Variants in COMMD1 observed in about 807,000 individuals in gnomAD.
COMMD1 encodes the protein copper metabolism domain containing 1.
A neutral mutation model predicts 17.2 loss-of-function variants in COMMD1; 10 were observed. The ratio of observed to expected loss-of-function variants is 0.58; its 90% confidence interval spans 0.36 to 0.99. The LOEUF (loss-of-function observed/expected upper bound fraction) is 0.99. Ranked by LOEUF, COMMD1 falls within the 50% of genes least tolerant of loss-of-function variation. The pLI is 0.01. For missense variants in COMMD1, 270 were observed against 231.8 expected, an observed-to-expected ratio of 1.17 and a Z score of -1.07; for synonymous variants, 97 against 91.6, an observed-to-expected ratio of 1.06 and a Z score of -0.34.
chr2:61,920,404 A>G (rs1558521815), intron 1 of COMMD1, among the ~76,000 whole-genome samples: 1 of 152,130 alleles, frequency 6.6e-6, no homozygotes, highest in Non-Finnish European at 1.5e-5. Flanking sequence ...AGGGAAAGAA[A>G]GAACATACTT....
At chr2:61,991,059 C>G (rs556729351) in intron 1 of COMMD1, among the ~76,000 whole-genome samples, 2 of 151,618 alleles carry the variant, frequency 1.3e-5, no homozygotes, top group African/African-American at 4.8e-5. Context: ...CCACTGCACT[C>G]CAGCTGGGTG....
At chr2:61,944,429 T>A (rs761297064) in intron 1 of COMMD1, among the ~76,000 whole-genome samples, 7 of 151,696 alleles carry the variant, frequency 4.6e-5, no homozygotes, top group Non-Finnish European at 8.8e-5. Context: ...CCAGCCTGGG[T>A]AACATAGCAA....
chr2:62,125,922 C>A (rs1421726688), intron 2 of COMMD1, among the ~76,000 whole-genome samples: 1 of 152,104 alleles, frequency 6.6e-6, no homozygotes, highest in African/African-American at 2.4e-5. Context: ...TCTCCTTCCC[C>A]CCACTTCACC....
chr2:61,891,422 T>A (rs2105152382), intron 1 of COMMD1, among the ~76,000 whole-genome samples: 1 of 152,328 alleles, frequency 6.6e-6, no homozygotes, highest in Non-Finnish European at 1.5e-5. Flanking sequence ...TCCATTAAAA[T>A]GGGATTTCAA....
In COMMD1 at chr2:62,000,794, G is replaced by A; in HGVS notation, c.274G>A (p.Ala92Thr). ...AGGTGGGATCACATCTGACCAAGCT[G>A]CTGTCATTTCCAAATTCTGGAAGAG... The part of the protein sequence containing the change: ...KQGGITSDQA[A>T]VISKFWKSHK... The change falls in exon 2 of 3, where the codon GCT becomes ACT. Residue 92 changes from alanine to threonine, a missense_variant. Physicochemically the swap from Ala to Thr is moderately conservative, Grantham distance 58 (BLOSUM62 0). Coordinates refer to ENST00000311832, the MANE Select transcript of COMMD1 (RefSeq NM_152516.4). 1 of 1,614,126 alleles carries A rather than the reference G, an allele frequency of 6.2e-7. No individual in the cohort carries two copies. Among genetic ancestry groups the A allele is most frequent in the African/African-American group, 1.3e-5 (1 of 75,036 alleles).
chr2:61,969,083 T>G (rs1407783084), intron 1 of COMMD1: 1 of 432,010 alleles, frequency 2.3e-6, no homozygotes, highest in Non-Finnish European at 4.7e-6. Context: ...CTCAGCCTCC[T>G]GAGCAGCTGG....
chr2:61,983,514 A>G lies in COMMD1; in HGVS notation c.181-17187A>G, dbSNP rs1210761195. Among the ~76,000 whole-genome samples, 3 of 152,016 alleles carry G rather than the reference A, an allele frequency of 2.0e-5. 1 individual carries two copies. Among genetic ancestry groups the G allele is most frequent in the Non-Finnish European group, 4.4e-5 (3 of 67,990 alleles). On this transcript the variant is annotated intron_variant, in intron 1 of 2. Transcript: ENST00000311832. ...CTATAATGGCTTTTAATGCATGTTC[A>G]TCTTGTTACTTGTTATTGGTCTGTT... is the stretch of plus-strand genomic sequence containing the variant.
chr2:62,077,286 T>C (rs186848367), intron 2 of COMMD1, among the ~76,000 whole-genome samples: 49 of 152,336 alleles, frequency 3.2e-4, no homozygotes, highest in African/African-American at 7.0e-4. Context: ...AATTACACAT[T>C]TATTTTGTTA....
At chr2:61,947,813 AG>A (rs1342769622) in intron 1 of COMMD1, among the ~76,000 whole-genome samples, 1 of 148,314 alleles carries the variant, frequency 6.7e-6, no homozygotes, top group Non-Finnish European at 1.5e-5. Context: ...CAGCCTCCTG[AG>A]GTAGCTGGGC....
rs55789110 is a variant in COMMD1 at position 62,121,371 on chromosome 2, C to CAAAAAAAAAAAAA, written c.463-14446_463-14434dup. 3.3e-3 allele frequency among the ~76,000 whole-genome samples: 154 copies of CAAAAAAAAAAAAA among 47,198 alleles called. 5 individuals are homozygous for CAAAAAAAAAAAAA. The highest frequency in any genetic ancestry group is 0.013 in the African/African-American group (144 of 10,742). 31.0% of individuals were successfully genotyped at this position (47,198 alleles called of 152,430 possible). The stretch of plus-strand genomic sequence containing the variant: ...GGCAACAGAGTGAGAGACTCTTTCT[C>CAAAAAAAAAAAAA]AAAAAAAAAAAAAAAAAAAAAAAAA... On this transcript the variant is annotated intron_variant, in intron 2 of 2. Transcript: ENST00000311832.
chr2:61,959,607 A>C (rs974533515), intron 1 of COMMD1, among the ~76,000 whole-genome samples: 3 of 152,222 alleles, frequency 2.0e-5, no homozygotes, highest in African/African-American at 7.2e-5. Flanking sequence ...TCTTGTTCAT[A>C]AAAGCTCTAT....
intron 2 of COMMD1, among the ~76,000 whole-genome samples, chr2:62,025,850 G>A (rs1275802405): frequency 6.6e-6 from 1 of 152,042 alleles, no homozygotes; most frequent in Non-Finnish European, 1.5e-5. Context: ...TACCATGCCC[G>A]GCTAATTTTT....
At chr2:61,943,828 C>G (rs756884645) in intron 1 of COMMD1, among the ~76,000 whole-genome samples, 4 of 152,006 alleles carry the variant, frequency 2.6e-5, no homozygotes, top group Non-Finnish European at 5.9e-5. Flanking sequence ...CAGTGAGACT[C>G]TGTCTCAAAA....
chr2:62,091,761 G>A (rs1039258760), intron 2 of COMMD1, among the ~76,000 whole-genome samples: 1 of 152,156 alleles, frequency 6.6e-6, no homozygotes, highest in Admixed American at 6.5e-5. Context: ...TATACAGGAG[G>A]CAGCTAGATT....
intron 1 of COMMD1, among the ~76,000 whole-genome samples, chr2:61,933,256 CA>C (rs1181231432): frequency 6.6e-6 from 1 of 151,828 alleles, no homozygotes; most frequent in Non-Finnish European, 1.5e-5. Flanking sequence ...CTTGTATCCA[CA>C]TTGCTCAGCT....
intron 1 of COMMD1, among the ~76,000 whole-genome samples, chr2:61,921,115 C>G (rs1375727787): frequency 6.6e-6 from 1 of 151,200 alleles, no homozygotes; most frequent in Admixed American, 6.6e-5. Context: ...GTAGCTGGTT[C>G]TACAGGTGCG....
intron 2 of COMMD1, among the ~76,000 whole-genome samples, chr2:62,021,209 C>G (rs1412314539): frequency 6.6e-6 from 1 of 152,074 alleles, no homozygotes; most frequent in Non-Finnish European, 1.5e-5. Context: ...TGCTGGGAAG[C>G]CATTTTTTGT....
chr2:61,896,421 A>T (rs2105158827), intron 1 of COMMD1, among the ~76,000 whole-genome samples: 1 of 147,568 alleles, frequency 6.8e-6, no homozygotes, highest in African/African-American at 2.5e-5. Flanking sequence ...TCCTGTCTCT[A>T]AAAAAAAAAA....
At chr2:61,929,154 A>G (rs1385915513) in intron 1 of COMMD1, among the ~76,000 whole-genome samples, 2 of 152,234 alleles carry the variant, frequency 1.3e-5, no homozygotes, top group African/African-American at 4.8e-5. Context: ...CATGTCCGAG[A>G]TAACTGTTTC....
Sources: allele counts gnomAD v4.1 joint callset (sites outside exome capture counted in the v4.1 genomes callset), GRCh38; gene constraint gnomAD v4.1.1; transcripts MANE v1.5; gene names NCBI Gene and HGNC (gene_info 2026-07-23, HGNC 2026-07-21).